The following SRGAP3 variants were observed in gnomAD, a reference collection of about 807,000 sequenced individuals.
SRGAP3 encodes the protein SLIT-ROBO Rho GTPase activating protein 3.
Under a neutral mutation model 121.1 loss-of-function variants are expected in SRGAP3, and 39 were observed. That is an observed-to-expected ratio of 0.32 (90% CI 0.25 to 0.42). The LOEUF (loss-of-function observed/expected upper bound fraction) is 0.42, where lower values mean the gene tolerates loss of function less well. SRGAP3 is among the 10% of genes least tolerant of loss of function. SRGAP3 has a pLI of 1.00. For synonymous variants in SRGAP3, 601 were observed against 570.0 expected, an observed-to-expected ratio of 1.05 and a Z score of -0.77; for missense variants, 1,213 against 1,470.6, an observed-to-expected ratio of 0.82 and a Z score of 2.86.
Position 9,001,463 on chromosome 3 carries a change from C to T in SRGAP3, c.2228-6940G>A, listed in dbSNP as rs113060160. The stretch of plus-strand genomic sequence containing the variant: ...GTTTAAATGCTATATTAGAAAATAT[C>T]CACTAAATGCTATGTTAGAAAATAT... On this transcript the variant is annotated intron_variant, in intron 18 of 21. Coordinates refer to ENST00000383836, the MANE Select transcript of SRGAP3 (RefSeq NM_014850.4). 5.9e-3 allele frequency among the ~76,000 whole-genome samples: 901 copies of T among 151,930 alleles called. 11 individuals carry two copies. The highest frequency in any genetic ancestry group is 0.021 in the African/African-American group (857 of 41,450).
intron 1 of SRGAP3, among the ~76,000 whole-genome samples, chr3:9,197,416 T>A (rs536600847): frequency 1.3e-5 from 2 of 152,364 alleles, no homozygotes; most frequent in South Asian, 4.1e-4. Flanking sequence ...CCAGCCTCCT[T>A]TCTTAATCGC....
intron 3 of SRGAP3, among the ~76,000 whole-genome samples, chr3:9,290,827 C>G (rs1182522705): frequency 6.6e-6 from 1 of 152,202 alleles, no homozygotes; most frequent in Non-Finnish European, 1.5e-5. Flanking sequence ...AATGAGACCA[C>G]TAGCAAGATG....
At chr3:9,258,372 T>C (rs1038546750) in intron 3 of SRGAP3, among the ~76,000 whole-genome samples, 2 of 150,592 alleles carry the variant, frequency 1.3e-5, no homozygotes, top group African/African-American at 4.9e-5. Context: ...AGGCAGAGAG[T>C]GGGAGAGGTG....
intron 10 of SRGAP3, among the ~76,000 whole-genome samples, chr3:9,040,126 C>T (rs937686223): frequency 1.3e-5 from 2 of 152,190 alleles, no homozygotes; most frequent in Non-Finnish European, 2.9e-5. Context: ...TTGTCTCTTA[C>T]CTGGACGACT....
chr3:9,311,626 G>A (rs112587616), intron 3 of SRGAP3, among the ~76,000 whole-genome samples: 2,965 of 152,274 alleles, frequency 0.019, 69 homozygotes, highest in East Asian at 0.079. Flanking sequence ...ATTTTCACAT[G>A]TCACAAAATG....
rs1013241358 is a variant in SRGAP3 at position 8,982,755 on chromosome 3, C to T, written c.*2764G>A. 1.8e-5 allele frequency: 4 copies of T among 217,318 alleles called. No homozygotes were observed. The highest frequency in any genetic ancestry group is 1.2e-4 in the Admixed American group (2 of 17,102). The allele number at this position is 217,318 out of a possible 1,614,324, so 13.5% of individuals were successfully genotyped here. A position where few individuals can be genotyped will look rare whatever the true frequency, so the allele number is the denominator to read the frequency against. ...TTTCCACTTGGCCTGCGTCAAGGCTCAGATCTGGGGCTGGATGAGTGGGGA... is the reference window on the plus strand; with the variant it reads ...TTTCCACTTGGCCTGCGTCAAGGCTTAGATCTGGGGCTGGATGAGTGGGGA... On this transcript the variant is annotated 3_prime_UTR_variant, in exon 22 of 22. Coordinates refer to ENST00000383836, the MANE Select transcript of SRGAP3 (RefSeq NM_014850.4).
chr3:9,315,827 C>T (rs973551111), intron 3 of SRGAP3, among the ~76,000 whole-genome samples: 6 of 152,156 alleles, frequency 3.9e-5, no homozygotes, highest in Non-Finnish European at 8.8e-5. Context: ...GAATGCAATG[C>T]TATTAACACA....
At chr3:9,310,223 A>T (rs753780162) in intron 3 of SRGAP3, among the ~76,000 whole-genome samples, 4 of 152,184 alleles carry the variant, frequency 2.6e-5, no homozygotes, top group Admixed American at 6.5e-5. Flanking sequence ...CAGGATGAAC[A>T]TGGGTAAATA....
chr3:9,224,896 C>T (rs1952934479), intron 1 of SRGAP3, among the ~76,000 whole-genome samples: 1 of 152,062 alleles, frequency 6.6e-6, no homozygotes, highest in South Asian at 2.1e-4. Flanking sequence ...GCCTGAGAAC[C>T]AAAAAGCAGA....
chr3:9,164,276 TTTTATTTA>T (rs111936459), intron 1 of SRGAP3, among the ~76,000 whole-genome samples: 8 of 140,772 alleles, frequency 5.7e-5, no homozygotes, highest in African/African-American at 2.0e-4. Flanking sequence ...ACCCAGACTA[TTTTATTTA>T]TTTATTTATT....
chr3:9,120,637 T>C (rs1948970481), intron 2 of SRGAP3, among the ~76,000 whole-genome samples: 1 of 152,250 alleles, frequency 6.6e-6, no homozygotes, highest in African/African-American at 2.4e-5. Context: ...GCTCAGCTTT[T>C]CTGTTGCTCA....
chr3:9,284,439 G>A (rs1282896148), intron 3 of SRGAP3, among the ~76,000 whole-genome samples: 1 of 152,244 alleles, frequency 6.6e-6, no homozygotes, highest in African/African-American at 2.4e-5. Context: ...CCACCTTGCT[G>A]TCTAAGGTGC....
intron 3 of SRGAP3, among the ~76,000 whole-genome samples, chr3:9,313,686 A>G (rs73124648): frequency 0.054 from 8,170 of 151,554 alleles, 742 homozygotes; most frequent in African/African-American, 0.19. Flanking sequence ...CTTAAAAAAA[A>G]AAAGAAAAAA....
intron 1 of SRGAP3, among the ~76,000 whole-genome samples, chr3:9,173,979 A>G (rs982583046): frequency 6.6e-6 from 1 of 152,058 alleles, no homozygotes; most frequent in Non-Finnish European, 1.5e-5. Context: ...CACCATTCAT[A>G]ATGTGTCCAT....
intron 3 of SRGAP3, among the ~76,000 whole-genome samples, chr3:9,265,809 T>C (rs1223184237): frequency 1.3e-5 from 2 of 152,204 alleles, no homozygotes; most frequent in Non-Finnish European, 2.9e-5. Context: ...TGGAAGACAG[T>C]GTGGCGATTC....
At chr3:9,081,927 G>A (rs2125270271) in intron 3 of SRGAP3, among the ~76,000 whole-genome samples, 1 of 152,246 alleles carries the variant, frequency 6.6e-6, no homozygotes, top group East Asian at 1.9e-4. Context: ...GACGTCTTTG[G>A]GAGGTGATTA....
chr3:9,286,526 C>T (rs891627447), intron 3 of SRGAP3, among the ~76,000 whole-genome samples: 2 of 148,302 alleles, frequency 1.3e-5, no homozygotes, highest in African/African-American at 2.4e-5. Flanking sequence ...TTGATCAGTA[C>T]CTTAAAAATA....
intron 1 of SRGAP3, among the ~76,000 whole-genome samples, chr3:9,173,485 T>G (rs564048655): frequency 6.6e-6 from 1 of 151,994 alleles, no homozygotes; most frequent in African/African-American, 2.4e-5. Context: ...GTGGGAGAAA[T>G]AGCTGAGCAA....
intron 3 of SRGAP3, among the ~76,000 whole-genome samples, chr3:9,309,614 A>T (rs1185864837): frequency 6.6e-6 from 1 of 152,190 alleles, no homozygotes; most frequent in Non-Finnish European, 1.5e-5. Context: ...TAATCCCAAC[A>T]CTTTGGGAGG....
Sources: gnomAD v4.1 joint callset for allele counts (sites outside exome capture counted in the v4.1 genomes callset) on GRCh38, gnomAD v4.1.1 for gene constraint, MANE v1.5 for transcripts, NCBI Gene and HGNC (gene_info 2026-07-23, HGNC 2026-07-21) for gene names.